The following CARMIL1 variants were observed in gnomAD, a reference collection of about 807,000 sequenced individuals.
CARMIL1 encodes capping protein regulator and myosin 1 linker 1.
A neutral mutation model predicts 177.1 loss-of-function variants in CARMIL1; 90 were observed. The observed-to-expected ratio is 0.51, with a 90% confidence interval of 0.43 to 0.61. The LOEUF (loss-of-function observed/expected upper bound fraction) is 0.61, where lower values mean the gene tolerates loss of function less well. Ranked by LOEUF, CARMIL1 falls within the 20% of genes least tolerant of loss-of-function variation. The pLI, the probability that CARMIL1 is intolerant of heterozygous loss-of-function variation, is 0.00. For synonymous variants in CARMIL1, 577 were observed against 606.2 expected (o/e 0.95, Z 0.71); for missense variants, 1,380 against 1,667.0 (o/e 0.83, Z 3.00).
At chr6:25,310,934 G>A (rs770421708) in intron 2 of CARMIL1, among the ~76,000 whole-genome samples, 4 of 152,006 alleles carry the variant, frequency 2.6e-5, no homozygotes, top group Non-Finnish European at 5.9e-5. Context: ...GGTTGAGGCC[G>A]GGTGCGGTGG....
At chr6:25,476,746 A>G (rs937542244) in intron 11 of CARMIL1, among the ~76,000 whole-genome samples, 6 of 152,200 alleles carry the variant, frequency 3.9e-5, no homozygotes, top group Admixed American at 2.6e-4. Context: ...ATTAAGTTAT[A>G]CAGGATATAA....
At chr6:25,502,006 A>C (rs1804416166) in intron 17 of CARMIL1, among the ~76,000 whole-genome samples, 2 of 151,148 alleles carry the variant, frequency 1.3e-5, no homozygotes, top group African/African-American at 4.8e-5. Context: ...AAAAAAAAAA[A>C]AAAAAACCCA....
At chr6:25,604,919 C>T in intron 34 of CARMIL1, 26 bp downstream of exon 34, 2 of 1,554,234 alleles carry the variant, frequency 1.3e-6, no homozygotes, top group Non-Finnish European at 1.7e-6. Context: ...GCCATCACCC[C>T]CTTAGGAAAA....
At chr6:25,313,671 C>A (rs1784021472) in intron 2 of CARMIL1, among the ~76,000 whole-genome samples, 1 of 118,900 alleles carries the variant, frequency 8.4e-6, no homozygotes, top group Non-Finnish European at 1.6e-5. Flanking sequence ...AGATCTTTAC[C>A]CAGGGAAGGC....
chr6:25,423,375 C>CG (rs1407086883), intron 3 of CARMIL1, among the ~76,000 whole-genome samples: 8 of 152,080 alleles, frequency 5.3e-5, no homozygotes, highest in African/African-American at 1.9e-4. Context: ...ACTTTTCTTT[C>CG]GGGGGTTGGG....
intron 2 of CARMIL1, among the ~76,000 whole-genome samples, chr6:25,296,799 A>G (rs957767984): frequency 1.3e-5 from 2 of 152,212 alleles, no homozygotes; most frequent in Non-Finnish European, 2.9e-5. Context: ...TGACCTGAAG[A>G]GAAGCAGCTG....
At chr6:25,606,431 T>C (rs1681278186) in intron 35 of CARMIL1, among the ~76,000 whole-genome samples, 158 bp downstream of exon 35, 2 of 152,076 alleles carry the variant, frequency 1.3e-5, no homozygotes, top group Non-Finnish European at 2.9e-5. Context: ...GCTGTGAAAG[T>C]GATGAGAGCT....
At chr6:25,527,693 C>T (rs1053531725) in intron 23 of CARMIL1, 21 of 446,332 alleles carry the variant, frequency 4.7e-5, no homozygotes, top group African/African-American at 2.8e-4. Flanking sequence ...GGTATCTTTT[C>T]GTTTTTGTAA....
At chr6:25,525,394 C>T (rs1217955368) in intron 23 of CARMIL1, among the ~76,000 whole-genome samples, 2 of 151,980 alleles carry the variant, frequency 1.3e-5, no homozygotes, top group East Asian at 3.9e-4. Context: ...AATTATCCTT[C>T]AAAAGTAATG....
intron 2 of CARMIL1, among the ~76,000 whole-genome samples, chr6:25,337,574 T>C (rs1786393992): frequency 6.6e-6 from 1 of 152,212 alleles, no homozygotes. Flanking sequence ...AATGGCATCA[T>C]TGACTTCTGA....
At chr6:25,304,862 G>A (rs1425157516) in intron 2 of CARMIL1, among the ~76,000 whole-genome samples, 1 of 152,232 alleles carries the variant, frequency 6.6e-6, no homozygotes, top group South Asian at 2.1e-4. Context: ...ATGAGGCAGA[G>A]CATTTGGTAA....
chr6:25,510,951 T>C (rs1400253201), intron 20 of CARMIL1, among the ~76,000 whole-genome samples, 189 bp downstream of exon 20: 1 of 152,190 alleles, frequency 6.6e-6, no homozygotes, highest in Non-Finnish European at 1.5e-5. Context: ...CTTTTTTTAC[T>C]TTATTCAACT....
chr6:25,419,982 C>A, intron 2 of CARMIL1, 132 bp from the exon 3 acceptor site: 2 of 703,194 alleles, frequency 2.8e-6, no homozygotes, highest in South Asian at 1.7e-5. Flanking sequence ...GCTCGTAATT[C>A]TTCTTACATG....
At chr6:25,504,505 T>C (rs574502601) in intron 17 of CARMIL1, among the ~76,000 whole-genome samples, 45 of 152,334 alleles carry the variant, frequency 3.0e-4, no homozygotes, top group African/African-American at 9.9e-4. Context: ...TTAGAACTTA[T>C]GGAGTTGCTT....
At chr6:25,507,969 A>C (rs1805087257) in intron 17 of CARMIL1, among the ~76,000 whole-genome samples, 1 of 152,162 alleles carries the variant, frequency 6.6e-6, no homozygotes, top group African/African-American at 2.4e-5. Context: ...CAATACATTT[A>C]TAAAATATAA....
intron 35 of CARMIL1, among the ~76,000 whole-genome samples, chr6:25,609,146 G>T (rs1212869452): frequency 6.6e-6 from 1 of 152,066 alleles, no homozygotes; most frequent in Admixed American, 6.6e-5. Context: ...TTCAATTAGG[G>T]TGAAACAGCC....
intron 31 of CARMIL1, among the ~76,000 whole-genome samples, chr6:25,590,532 C>T (rs989674404): frequency 6.6e-5 from 10 of 152,072 alleles, no homozygotes; most frequent in Admixed American, 5.9e-4. Flanking sequence ...CTCCTATTCT[C>T]TGGAACAGTT....
chr6:25,346,864 T>A (rs1367929313), intron 2 of CARMIL1, among the ~76,000 whole-genome samples: 1 of 152,196 alleles, frequency 6.6e-6, no homozygotes, highest in South Asian at 2.1e-4. Context: ...TTTAAAAGCA[T>A]AATATTAGGC....
chr6:25,441,320 C>CAAACAA (rs765704301), intron 5 of CARMIL1, among the ~76,000 whole-genome samples: 1 of 99,628 alleles, frequency 1.0e-5, no homozygotes, highest in African/African-American at 4.0e-5. Context: ...AACAAACAAA[C>CAAACAA]ATATATATAT....
Sources: gnomAD v4.1 joint callset for allele counts (sites outside exome capture counted in the v4.1 genomes callset) on GRCh38, gnomAD v4.1.1 for gene constraint, MANE v1.5 for transcripts, NCBI Gene and HGNC (gene_info 2026-07-23, HGNC 2026-07-21) for gene names.